Variants in NSDHL observed in about 807,000 individuals in gnomAD.
NSDHL encodes the protein sterol-4-alpha-carboxylate 3-dehydrogenase, decarboxylating.
A neutral mutation model predicts 23.0 loss-of-function variants in NSDHL; 1 was observed. The ratio of observed to expected loss-of-function variants is 0.04; its 90% CI spans 0.02 to 0.21. The LOEUF (loss-of-function observed/expected upper bound fraction) is 0.21, where lower values mean the gene tolerates loss of function less well. Ranked by LOEUF, NSDHL falls within the 10% of genes least tolerant of loss-of-function variation. The pLI is 1.00. For missense variants in NSDHL, 237 were observed against 300.9 expected (o/e 0.79, Z 1.57); for synonymous variants, 128 against 121.1 (o/e 1.06, Z -0.37).
Position 152,869,191 on chromosome X carries a change from C to A in NSDHL, c.*75C>A. ...CTTCCCCTGTGGATTGATGAAATAACATCCTTTGAATGAGTTTGCTCTGAG... is the reference window on the plus strand; with the variant it reads ...CTTCCCCTGTGGATTGATGAAATAAAATCCTTTGAATGAGTTTGCTCTGAG... On this transcript the variant is annotated 3_prime_UTR_variant, in exon 8 of 8. Transcript: ENST00000370274. 1 of 876,369 alleles carries A rather than the reference C, an allele frequency of 1.1e-6. No individual in the cohort carries two copies. The highest frequency in any genetic ancestry group is 3.3e-4 in the Middle Eastern group (1 of 3,004). 72.2% of individuals were successfully genotyped at this position (876,369 alleles called of 1,213,427 possible). A position where few individuals can be genotyped will look rare whatever the true frequency, so the allele number is the denominator to read the frequency against.
intron 1 of NSDHL, among the ~76,000 whole-genome samples, chrX:152,842,908 G>A (rs1308511037): frequency 2.7e-5 from 3 of 111,882 alleles, no homozygotes; most frequent in Non-Finnish European, 3.8e-5. Context: ...TAACCCAAGC[G>A]TATATCACAT....
rs782635997 is a variant in NSDHL, at chrX:152,862,640, C to A, written c.459C>A (p.Val153=). 8.3e-7 allele frequency: 1 copy of A among 1,200,547 alleles called. No homozygotes were observed. Among genetic ancestry groups the A allele is most frequent in the African/African-American group, 1.8e-5 (1 of 56,790 alleles). The change falls in exon 5 of 8, where the codon GTC becomes GTA. Residue 153 remains valine, a synonymous_variant. Coordinates refer to ENST00000370274, the MANE Select transcript of NSDHL (RefSeq NM_015922.3). ...TSSASVIFEG[V]DIKNGTEDLP... ...GTGCCAGTGTCATCTTTGAGGGCGT[C>A]GATATCAAGAATGGAACTGAAGACC...
intron 5 of NSDHL, among the ~76,000 whole-genome samples, 176 bp from the exon 6 acceptor site, chrX:152,865,643 C>A (rs1256203825): frequency 4.4e-5 from 5 of 112,742 alleles, no homozygotes; most frequent in Non-Finnish European, 9.4e-5. Context: ...CAGAATTATA[C>A]CAGCCACTGA....
At chrX:152,859,115 T>G (rs1336151850) in intron 4 of NSDHL, among the ~76,000 whole-genome samples, 199 bp downstream of exon 4, 4 of 112,026 alleles carry the variant, frequency 3.6e-5, no homozygotes, top group African/African-American at 1.3e-4. Flanking sequence ...AGATGTAATA[T>G]TCTAACTGCA....
intron 6 of NSDHL, among the ~76,000 whole-genome samples, chrX:152,867,127 T>C (rs1457414895): frequency 3.6e-5 from 4 of 111,860 alleles, no homozygotes; most frequent in South Asian, 7.4e-4. Context: ...CTCTCTCTCT[T>C]CCTTCCTTTT....
chrX:152,856,507 C>T (rs1933446119), intron 3 of NSDHL, among the ~76,000 whole-genome samples: 2 of 111,170 alleles, frequency 1.8e-5, no homozygotes, highest in African/African-American at 6.6e-5. Flanking sequence ...GCCTAGTGCT[C>T]AGATTTGGGT....
chrX:152,854,996 C>CTTT (rs138412629), intron 3 of NSDHL, among the ~76,000 whole-genome samples: 1 of 98,812 alleles, frequency 1.0e-5, no homozygotes, highest in African/African-American at 3.7e-5. Context: ...TTACATAACA[C>CTTT]TTTTTTTTTT....
chrX:152,858,081 A>G (rs1348334501), intron 3 of NSDHL, among the ~76,000 whole-genome samples: 3 of 111,923 alleles, frequency 2.7e-5, no homozygotes, highest in Non-Finnish European at 5.6e-5. Flanking sequence ...ATTTACCTGA[A>G]TTTTTATTCT....
chrX:152,836,007 G>C (rs1218440406), intron 1 of NSDHL, among the ~76,000 whole-genome samples: 6 of 112,326 alleles, frequency 5.3e-5, no homozygotes, highest in Non-Finnish European at 1.1e-4. Context: ...ACTAGTGTGA[G>C]ATGGTATCTC....
In NSDHL at chrX:152,865,901, C is replaced by T. The variant is rs1445268992; in HGVS notation, c.626C>T (p.Pro209Leu). Residue 209 changes from proline to leucine, a missense_variant, in exon 6 of 8, where the codon CCG (proline) becomes CTG (leucine). By Grantham distance (98) the Pro-to-Leu change is moderately conservative. This residue lies in a region of NSDHL where 39 missense variants were observed against 98.1 expected (regional missense o/e 0.40). Transcript: ENST00000370274. The stretch of plus-strand genomic sequence containing the variant: ...CATGGCATTTTCGGCCCAAGGGACC[C>T]GCAGTTGGTACCCATCCTCATCGAG... ...RPHGIFGPRD[P>L]QLVPILIEAA... 9.1e-6 allele frequency: 11 copies of T among 1,210,876 alleles called. No individual in the cohort carries two copies. Among genetic ancestry groups the T allele is most frequent in the Admixed American group, 2.2e-5 (1 of 45,957 alleles).
At chrX:152,867,767 TG>T in intron 7 of NSDHL, 94 bp downstream of exon 7, 2 of 648,502 alleles carry the variant, frequency 3.1e-6, no homozygotes, top group Non-Finnish European at 5.0e-6. Context: ...CCTGTGATCC[TG>T]TATCATGGAG....
intron 1 of NSDHL, among the ~76,000 whole-genome samples, chrX:152,845,574 G>A (rs781929209): frequency 3.8e-4 from 42 of 111,714 alleles, no homozygotes; most frequent in South Asian, 3.4e-3. Flanking sequence ...GTTTGGCAAC[G>A]TTGTCGGATT....
At chrX:152,845,257 C>G (rs372591555) in intron 1 of NSDHL, among the ~76,000 whole-genome samples, 1 of 111,551 alleles carries the variant, frequency 9.0e-6, no homozygotes, top group Non-Finnish European at 1.9e-5. Flanking sequence ...GTGTAAAATT[C>G]GAGGTGTGGG....
chrX:152,863,325 AC>A (rs1933556838), intron 5 of NSDHL, among the ~76,000 whole-genome samples: 1 of 111,608 alleles, frequency 9.0e-6, no homozygotes, highest in Non-Finnish European at 1.9e-5. Flanking sequence ...GAGGCTCAGA[AC>A]CTTTCTAAAA....
intron 4 of NSDHL, among the ~76,000 whole-genome samples, chrX:152,859,551 G>A (rs1471382566): frequency 8.9e-6 from 1 of 112,130 alleles, no homozygotes; most frequent in Non-Finnish European, 1.9e-5. Context: ...AGCATGTGTC[G>A]GAATGTCCTT....
intron 1 of NSDHL, among the ~76,000 whole-genome samples, chrX:152,833,922 C>T (rs1397948324): frequency 8.9e-6 from 1 of 112,752 alleles, no homozygotes; most frequent in African/African-American, 3.2e-5. Flanking sequence ...CATGAGGTGA[C>T]ACCTGGGGGT....
intron 2 of NSDHL, 85 bp downstream of exon 2, chrX:152,846,517 C>T (rs1462158690): frequency 1.4e-5 from 9 of 621,711 alleles, no homozygotes; most frequent in Non-Finnish European, 2.5e-5. Context: ...ATGTATTAAT[C>T]AATGTTGGGT....
intron 3 of NSDHL, among the ~76,000 whole-genome samples, chrX:152,855,909 A>C (rs1933437756): frequency 8.9e-6 from 1 of 112,717 alleles, no homozygotes; most frequent in Non-Finnish European, 1.9e-5. Flanking sequence ...TGAATGTCTT[A>C]TAAATGTTTT....
At chrX:152,839,199 C>T (rs188189345) in intron 1 of NSDHL, among the ~76,000 whole-genome samples, 5 of 111,873 alleles carry the variant, frequency 4.5e-5, no homozygotes, top group Admixed American at 1.9e-4. Flanking sequence ...CGTCACTGCA[C>T]GTGAGATGGG....
Sources: allele counts gnomAD v4.1 joint callset (sites outside exome capture counted in the v4.1 genomes callset), GRCh38; gene constraint gnomAD v4.1.1; regional missense constraint gnomAD v4.1.1; transcripts MANE v1.5; gene names NCBI Gene and HGNC (gene_info 2026-07-23, HGNC 2026-07-21).